Variants in ANO2 observed in about 807,000 individuals in gnomAD.
ANO2 encodes the protein anoctamin-2.
A neutral mutation model predicts 124.2 loss-of-function variants in ANO2; 101 were observed. The observed-to-expected ratio is 0.81, with a 90% CI of 0.69 to 0.96. The LOEUF is 0.96. ANO2 is among the 40% of genes least tolerant of loss of function. ANO2 has a pLI of 0.00. For synonymous variants in ANO2, 486 were observed against 482.5 expected, an observed-to-expected ratio of 1.01 and a Z score of -0.09; for missense variants, 1,293 against 1,274.5, an observed-to-expected ratio of 1.01 and a Z score of -0.22.
chr12:5,859,110 G>T (rs1269741956), intron 3 of ANO2, among the ~76,000 whole-genome samples: 3 of 152,208 alleles, frequency 2.0e-5, no homozygotes, highest in African/African-American at 4.8e-5. Flanking sequence ...CCCTAAAGAA[G>T]ATGTTATAAA....
At chr12:5,655,667 T>G (rs1166159643) in intron 14 of ANO2, among the ~76,000 whole-genome samples, 1 of 152,218 alleles carries the variant, frequency 6.6e-6, no homozygotes, top group Non-Finnish European at 1.5e-5. Context: ...TCCCATTTAA[T>G]TACTGCAATA....
chr12:5,659,689 C>T (rs1565533704), intron 14 of ANO2, among the ~76,000 whole-genome samples: 1 of 152,248 alleles, frequency 6.6e-6, no homozygotes, highest in South Asian at 2.1e-4. Context: ...CTCCCCTTCT[C>T]CCCTCCTGGG....
chr12:5,742,624 G>A (rs1017835148), intron 12 of ANO2, among the ~76,000 whole-genome samples: 1 of 152,218 alleles, frequency 6.6e-6, no homozygotes, highest in African/African-American at 2.4e-5. Flanking sequence ...AGGGGATTAT[G>A]TGTCCCAAGA....
intron 14 of ANO2, among the ~76,000 whole-genome samples, chr12:5,666,056 G>A (rs889085411): frequency 6.6e-6 from 1 of 152,054 alleles, no homozygotes; most frequent in Non-Finnish European, 1.5e-5. Context: ...CCAACTGCAG[G>A]CCCTGGACAA....
chr12:5,883,327 G>C (rs937736541), intron 3 of ANO2, among the ~76,000 whole-genome samples: 1 of 152,202 alleles, frequency 6.6e-6, no homozygotes, highest in South Asian at 2.1e-4. Context: ...GCCAGACCTA[G>C]AGATGCCTTC....
At position 5,688,810 on chromosome 12, in the gene ANO2, CTT is replaced by C. The variant is rs36091783; in HGVS notation, c.1546-41011_1546-41010del. Among the ~76,000 whole-genome samples the C allele has an allele frequency of 3.7e-3, 439 of 119,358 alleles. 3 individuals carry two copies. The highest frequency in any genetic ancestry group is 0.012 in the African/African-American group (369 of 31,866). 78.3% of individuals were successfully genotyped at this position (119,358 alleles called of 152,430 possible). On this transcript the variant is annotated intron_variant, in intron 14 of 24. Transcript: ENST00000682330. ...CAAAACCCTGACCCATGGGAGTATC[CTT>C]TTTTTTTTTTTTTTTTTTGGTCGGA...
intron 1 of ANO2, among the ~76,000 whole-genome samples, chr12:5,936,639 T>C (rs2079460010): frequency 6.6e-6 from 1 of 152,218 alleles, no homozygotes; most frequent in Non-Finnish European, 1.5e-5. Flanking sequence ...GTCTCTGGCA[T>C]TTTGTTAGAG....
intron 3 of ANO2, among the ~76,000 whole-genome samples, chr12:5,907,200 A>G (rs993671517): frequency 1.3e-5 from 2 of 152,296 alleles, no homozygotes; most frequent in South Asian, 2.1e-4. Flanking sequence ...GGTTGTGCCT[A>G]TTTTTATAAT....
chr12:5,675,286 C>T (rs546007963), intron 14 of ANO2, among the ~76,000 whole-genome samples: 2 of 152,322 alleles, frequency 1.3e-5, no homozygotes, highest in African/African-American at 4.8e-5. Context: ...CCAGCTGCAG[C>T]TCATCATACC....
chr12:5,709,176 T>C (rs1211997743), intron 14 of ANO2, among the ~76,000 whole-genome samples: 1 of 152,224 alleles, frequency 6.6e-6, no homozygotes, highest in African/African-American at 2.4e-5. Flanking sequence ...ATCAACTAAA[T>C]GTGCTGTCCC....
chr12:5,563,347 G>A lies in ANO2; in HGVS notation c.2949C>T (p.Ser983=), dbSNP rs370515410. The A allele has an allele frequency of 3.6e-5, 57 of 1,604,494 alleles. No homozygotes were observed. The highest frequency in any genetic ancestry group is 1.0e-4 in the Admixed American group (6 of 59,090). ...CTGACGACATCATGCTGCCCAGCTGGCTTTGGCCTGAAGGTGCTGAGCTGG... is the reference window on the plus strand; with the variant it reads ...CTGACGACATCATGCTGCCCAGCTGACTTTGGCCTGAAGGTGCTGAGCTGG... ...RAASSAPSGQ[S]QLGSMMSSGS... is the part of the protein sequence containing the mutation. Residue 983 remains serine, a synonymous_variant, in exon 25 of 25, where the codon AGC becomes AGT. Transcript: ENST00000682330.
chr12:5,903,776 G>C (rs1940489365), intron 3 of ANO2, among the ~76,000 whole-genome samples: 1 of 152,066 alleles, frequency 6.6e-6, no homozygotes, highest in South Asian at 2.1e-4. Flanking sequence ...TTGGTCCTTT[G>C]GTCCTGGAGG....
At chr12:5,702,885 A>G (rs1316410041) in intron 14 of ANO2, among the ~76,000 whole-genome samples, 1 of 152,236 alleles carries the variant, frequency 6.6e-6, no homozygotes, top group Non-Finnish European at 1.5e-5. Context: ...AGGGATATAG[A>G]ATAAGAAGAA....
At chr12:5,942,514 C>G (rs1942936315) in intron 1 of ANO2, among the ~76,000 whole-genome samples, 1 of 152,208 alleles carries the variant, frequency 6.6e-6, no homozygotes, top group African/African-American at 2.4e-5. Context: ...ACTGTCTTCC[C>G]TTTCCCTTTG....
intron 15 of ANO2, among the ~76,000 whole-genome samples, chr12:5,641,195 C>T (rs1013271417): frequency 1.0e-4 from 13 of 129,606 alleles, no homozygotes; most frequent in Middle Eastern, 4.1e-3. Flanking sequence ...GGACACAGGG[C>T]GAGGAACATC....
chr12:5,597,058 G>A (rs1943698313), intron 20 of ANO2, among the ~76,000 whole-genome samples: 1 of 152,136 alleles, frequency 6.6e-6, no homozygotes, highest in Non-Finnish European at 1.5e-5. Context: ...TATGGTTCAA[G>A]GGTCTCTGCT....
chr12:5,739,325 C>T lies in ANO2; in HGVS notation c.1426G>A (p.Glu476Lys), dbSNP rs774867767. Residue 476 changes from glutamate to lysine, a missense_variant, in exon 13 of 25, where the codon GAG (glutamate) becomes AAG (lysine). By Grantham distance (56) the Glu-to-Lys change is moderately conservative (BLOSUM62 1). Coordinates refer to ENST00000682330, the MANE Select transcript of ANO2 (RefSeq NM_001364791.2). ...GYFWDLTGIE[E>K]EEEHSRPEYE... is the part of the protein sequence containing the mutation. ...TACGTGAGAGAACTCACTTCTTCCTCTTCTATGCCAGTCAGGTCCCAAAAG... is the reference window on the plus strand; with the variant it reads ...TACGTGAGAGAACTCACTTCTTCCTTTTCTATGCCAGTCAGGTCCCAAAAG... 2 of 1,602,252 alleles carry T rather than the reference C, an allele frequency of 1.2e-6. No individual in the cohort carries two copies. Among genetic ancestry groups the T allele is most frequent in the South Asian group, 1.1e-5 (1 of 88,146 alleles).
chr12:5,578,591 AG>A, intron 20 of ANO2, 73 bp from the exon 21 acceptor site: 1 of 1,491,668 alleles, frequency 6.7e-7, no homozygotes, highest in Admixed American at 2.1e-5. Flanking sequence ...TTGCAGCTAC[AG>A]CCCCTTGTCC....
At chr12:5,941,942 A>G (rs1942911592) in intron 1 of ANO2, among the ~76,000 whole-genome samples, 1 of 152,254 alleles carries the variant, frequency 6.6e-6, no homozygotes, top group East Asian at 1.9e-4. Context: ...AGGATGAAAT[A>G]AAGACATTTT....
Sources: allele counts gnomAD v4.1 joint callset (sites outside exome capture counted in the v4.1 genomes callset), GRCh38; gene constraint gnomAD v4.1.1; transcripts MANE v1.5; gene names NCBI Gene and HGNC (gene_info 2026-07-23, HGNC 2026-07-21).